The following UTP25 variants were observed in gnomAD, a reference collection of about 807,000 sequenced individuals.
UTP25 encodes the protein UTP25 small subunit processome component.
In UTP25, 50 loss-of-function variants were observed where a neutral mutation model predicts 78.9. The ratio of observed to expected loss-of-function variants is 0.63; its 90% CI spans 0.50 to 0.80. The LOEUF is 0.80. Among genes scored for constraint, UTP25 ranks in the 30% least tolerant of loss-of-function variants. The probability of loss-of-function intolerance (pLI) is 0.00; values close to 1 mark genes in which losing one functional copy is unlikely to be tolerated. For missense variants in UTP25, 846 were observed against 911.3 expected, an observed-to-expected ratio of 0.93 and a Z score of 0.92; for synonymous variants, 329 against 336.5, an observed-to-expected ratio of 0.98 and a Z score of 0.24.
chr1:209,843,799 C>T, intron 11 of UTP25, 103 bp downstream of exon 11: 1 of 1,433,454 alleles, frequency 7.0e-7, no homozygotes, highest in Non-Finnish European at 9.4e-7. Flanking sequence ...TTGAGATCAT[C>T]CCTCACTCTC....
At chr1:209,843,814 T>C in intron 11 of UTP25, 118 bp downstream of exon 11, 1 of 1,357,748 alleles carries the variant, frequency 7.4e-7, no homozygotes, top group Non-Finnish European at 1.0e-6. Flanking sequence ...ACTCTCGCAC[T>C]CTTACAAAGT....
chr1:209,841,046 G>T lies in UTP25; in HGVS notation c.1476G>T (p.Glu492Asp), dbSNP rs951520957. Reference protein sequence around the residue: ...QADIYLMQNWEHVLHLMNHMN... With the variant: ...QADIYLMQNWDHVLHLMNHMN... Reference sequence around the variant, plus strand: ...ACATTTACCTGATGCAGAACTGGGAGCATGTCCTGGTAATGCTGGCCATTC... The same window carrying T: ...ACATTTACCTGATGCAGAACTGGGATCATGTCCTGGTAATGCTGGCCATTC... Residue 492 changes from glutamate to aspartate, a missense_variant, in exon 8 of 12, where the codon GAG becomes GAT. Physicochemically the swap from Glu to Asp is conservative, Grantham distance 45. Transcript: ENST00000491415. 3 of 1,613,830 alleles carry T rather than the reference G, an allele frequency of 1.9e-6. No individual in the cohort carries two copies. The highest frequency in any genetic ancestry group is 2.5e-6 in the Non-Finnish European group (3 of 1,179,884).
intron 5 of UTP25, among the ~76,000 whole-genome samples, chr1:209,835,943 G>A (rs1203100770): frequency 1.3e-5 from 2 of 152,022 alleles, no homozygotes; most frequent in African/African-American, 4.8e-5. Flanking sequence ...ATCATGCATA[G>A]GTTCCTGTAT....
chr1:209,840,704 T>C, intron 7 of UTP25, 149 bp from the exon 8 acceptor site: 1 of 710,684 alleles, frequency 1.4e-6, no homozygotes, highest in Admixed American at 2.5e-5. Context: ...TCTTATGTTT[T>C]AATAATTAAA....
rs770145389 is a variant in UTP25 at position 209,851,197 on chromosome 1, C to T, written c.2028-7C>T. 1 of 1,606,062 alleles carries T rather than the reference C, an allele frequency of 6.2e-7. No homozygotes were observed. Among genetic ancestry groups the T allele is most frequent in the East Asian group, 2.2e-5 (1 of 44,826 alleles). On this transcript the variant is annotated splice_region_variant and splice_polypyrimidine_tract_variant and intron_variant, in intron 11 of 11. Transcript: ENST00000491415. ...TTGACATAGCTCTTTCTTTCCAATT[C>T]TGACAGGTATACAATAAAAGGCATC...
chr1:209,839,197 A>C, intron 7 of UTP25, 69 bp downstream of exon 7: 1 of 1,401,042 alleles, frequency 7.1e-7, no homozygotes, highest in Non-Finnish European at 9.8e-7. Flanking sequence ...CAGAAGCTGG[A>C]ATTAGATATT....
intron 2 of UTP25, 102 bp downstream of exon 2, chr1:209,830,249 C>A: frequency 9.5e-7 from 1 of 1,050,148 alleles, no homozygotes; most frequent in East Asian, 2.6e-5. Flanking sequence ...CTTTTGATTT[C>A]AGATGCAAGC....
At chr1:209,828,760 T>A (rs969140879) in intron 1 of UTP25, among the ~76,000 whole-genome samples, 2 of 142,896 alleles carry the variant, frequency 1.4e-5, no homozygotes, top group African/African-American at 2.6e-5. Flanking sequence ...GACACACATA[T>A]ATATATGTAT....
rs17015341 is a variant in UTP25, at chr1:209,842,565, C to T, written c.1669-18C>T. 1.9e-6 allele frequency: 3 copies of T among 1,613,104 alleles called. No homozygotes were observed. In the South Asian group the frequency reaches 3.3e-5, roughly 18 times the overall value. On this transcript the variant is annotated intron_variant, in intron 9 of 11. Coordinates refer to ENST00000491415, the MANE Select transcript of UTP25 (RefSeq NM_014388.7). ...AGGGGATGGCTGTCCACCTAACGCTCTTGTTGACTACTGGCAGGTGGCCGT... is the reference window on the plus strand; with the variant it reads ...AGGGGATGGCTGTCCACCTAACGCTTTTGTTGACTACTGGCAGGTGGCCGT...
intron 11 of UTP25, chr1:209,844,236 G>T (rs2078183062): frequency 6.5e-6 from 1 of 152,712 alleles, no homozygotes. Context: ...GAGGTAAAAG[G>T]GTAAGGGCTT....
chr1:209,852,882 C>T lies in UTP25; in HGVS notation c.*1435C>T, dbSNP rs1444079434. The T allele has an allele frequency of 6.6e-6, 1 of 152,078 alleles. No homozygotes were observed. Among genetic ancestry groups the T allele is most frequent in the Non-Finnish European group, 1.5e-5 (1 of 68,030 alleles). 9.4% of individuals were successfully genotyped at this position (152,078 alleles called of 1,614,324 possible). On this transcript the variant is annotated 3_prime_UTR_variant, in exon 12 of 12. Coordinates refer to ENST00000491415, the MANE Select transcript of UTP25 (RefSeq NM_014388.7). ...TATATTGAAAACCATGAATTCACAC[C>T]AGTACCTCCAATTCTAGTCCAACAA...
At chr1:209,849,289 G>T (rs151250453) in intron 11 of UTP25, among the ~76,000 whole-genome samples, 1 of 152,140 alleles carries the variant, frequency 6.6e-6, no homozygotes, top group African/African-American at 2.4e-5. Context: ...AGTGTATACA[G>T]CTTCTTCCCT....
rs1221883401 is a variant in UTP25 at position 209,857,425 on chromosome 1, C to G, written c.*5978C>G. ...CAAATACAAGTGAAATAGTGAAAAA[C>G]AAAAATCAAACTACATCTATTTGGT... is the stretch of plus-strand genomic sequence containing the variant. On this transcript the variant is annotated 3_prime_UTR_variant, in exon 12 of 12. Transcript: ENST00000491415. 1 of 151,650 alleles carries G rather than the reference C, an allele frequency of 6.6e-6. No individual in the cohort carries two copies. Among genetic ancestry groups the G allele is most frequent in the Non-Finnish European group, 1.5e-5 (1 of 67,918 alleles). The allele number at this position is 151,650 out of a possible 1,614,324, so 9.4% of individuals were successfully genotyped here.
intron 8 of UTP25, 132 bp from the exon 9 acceptor site, chr1:209,842,133 T>G: frequency 2.1e-6 from 2 of 950,078 alleles, no homozygotes; most frequent in Non-Finnish European, 1.6e-6. Context: ...CTCACCCATG[T>G]GAGCCTCAGT....
At chr1:209,838,568 C>T (rs145651392) in intron 6 of UTP25, among the ~76,000 whole-genome samples, 11 of 152,222 alleles carry the variant, frequency 7.2e-5, no homozygotes, top group African/African-American at 2.2e-4. Flanking sequence ...GAAATCTTTC[C>T]CTCAAAGAGC....
chr1:209,847,022 C>T (rs772453059), intron 11 of UTP25, among the ~76,000 whole-genome samples: 6 of 142,006 alleles, frequency 4.2e-5, no homozygotes, highest in Non-Finnish European at 7.8e-5. Flanking sequence ...CACATGCACA[C>T]GTGCACACAC....
intron 3 of UTP25, 37 bp downstream of exon 3, chr1:209,831,080 G>A (rs551101389): frequency 4.0e-5 from 65 of 1,608,208 alleles, no homozygotes; most frequent in South Asian, 3.1e-4. Context: ...ATCTTTGCCA[G>A]AACTATAGAC....
rs1572011631 is a variant in UTP25 at position 209,853,524 on chromosome 1, T to C, written c.*2077T>C. The stretch of plus-strand genomic sequence containing the variant: ...GGCGCATGCCACCATGCACAGCTAA[T>C]TTTTTATATTTTTAGTAGAGATGGG... On this transcript the variant is annotated 3_prime_UTR_variant, in exon 12 of 12. Coordinates refer to ENST00000491415, the MANE Select transcript of UTP25 (RefSeq NM_014388.7). 6.6e-6 allele frequency: 1 copy of C among 152,278 alleles called. No individual in the cohort carries two copies. The highest frequency in any genetic ancestry group is 1.9e-4 in the East Asian group (1 of 5,182). 9.4% of individuals were successfully genotyped at this position (152,278 alleles called of 1,614,324 possible). A position where few individuals can be genotyped will look rare whatever the true frequency, so the allele number is the denominator to read the frequency against.
chr1:209,848,818 G>C (rs929609369), intron 11 of UTP25, among the ~76,000 whole-genome samples: 3 of 152,154 alleles, frequency 2.0e-5, no homozygotes, highest in African/African-American at 7.2e-5. Flanking sequence ...AACTTTCAAT[G>C]GAATGTAGAG....
Sources: gnomAD v4.1 joint callset for allele counts (sites outside exome capture counted in the v4.1 genomes callset) on GRCh38, gnomAD v4.1.1 for gene constraint, MANE v1.5 for transcripts, NCBI Gene and HGNC (gene_info 2026-07-23, HGNC 2026-07-21) for gene names.